The following IARS1 variants were observed in gnomAD, a reference collection of about 807,000 sequenced individuals.
IARS1 encodes isoleucyl-tRNA synthetase 1.
IARS1 carries 124 observed loss-of-function variants against 168.2 expected under a neutral mutation model. That is an observed-to-expected ratio of 0.74 (90% CI 0.64 to 0.86). The LOEUF is 0.86. Ranked by LOEUF, IARS1 falls within the 40% of genes least tolerant of loss-of-function variation. IARS1 has a pLI of 0.00. For synonymous variants in IARS1, 532 were observed against 529.4 expected (o/e 1.00, Z -0.07); for missense variants, 1,452 against 1,515.8 (o/e 0.96, Z 0.70).
chr9:92,227,417 G>A (rs1825885621), intron 31 of IARS1, among the ~76,000 whole-genome samples: 3 of 146,242 alleles, frequency 2.1e-5, no homozygotes, highest in South Asian at 2.2e-4. Flanking sequence ...CGGACAGGGC[G>A]GCTGGCCGGG....
Position 92,249,785 on chromosome 9 carries a change from A to G in IARS1, c.2616+73T>C, listed in dbSNP as rs900215067. Reference sequence around the variant, plus strand: ...AAAATAAATTATAGAGTCAATATGTACTTTGAGGATTATTCATCAAAATAA... The same window carrying G: ...AAAATAAATTATAGAGTCAATATGTGCTTTGAGGATTATTCATCAAAATAA... On this transcript the variant is annotated intron_variant, in intron 25 of 33. Transcript: ENST00000443024. 1.1e-5 allele frequency: 8 copies of G among 745,712 alleles called. No individual in the cohort carries two copies. In the East Asian group the frequency reaches 2.0e-4, roughly 19 times the overall value. The allele number at this position is 745,712 out of a possible 1,614,324, so 46.2% of individuals were successfully genotyped here. A position where few individuals can be genotyped will look rare whatever the true frequency, so the allele number is the denominator to read the frequency against.
intron 33 of IARS1, among the ~76,000 whole-genome samples, chr9:92,219,736 T>C (rs1418001712): frequency 8.2e-6 from 1 of 122,070 alleles, no homozygotes; most frequent in Non-Finnish European, 1.7e-5. Flanking sequence ...TCACACCAGT[T>C]AGAATGGCAA....
chr9:92,293,526 A>G lies in IARS1; in HGVS notation c.-8+85T>C, dbSNP rs1017409780. 4 of 521,448 alleles carry G rather than the reference A, an allele frequency of 7.7e-6. No individual in the cohort carries two copies. In the African/African-American group the frequency reaches 7.9e-5, roughly 10 times the overall value. 32.3% of individuals were successfully genotyped at this position (521,448 alleles called of 1,614,324 possible). ...AAGAAACACGCTCTTTTAAAAATTA[A>G]ATCTTGTGCTACTGTTTCGGGGTTG... On this transcript the variant is annotated intron_variant, in intron 1 of 33. Coordinates refer to ENST00000443024, the MANE Select transcript of IARS1 (RefSeq NM_002161.6).
At chr9:92,216,561 T>TA (rs1838736620) in intron 33 of IARS1, among the ~76,000 whole-genome samples, 1 of 123,604 alleles carries the variant, frequency 8.1e-6, no homozygotes, top group Non-Finnish European at 1.7e-5. Flanking sequence ...AGGCTCAAAA[T>TA]AAAAGGATGG....
intron 21 of IARS1, among the ~76,000 whole-genome samples, 194 bp from the exon 22 acceptor site, chr9:92,252,079 G>C (rs1335971053): frequency 6.6e-6 from 1 of 152,236 alleles, no homozygotes; most frequent in African/African-American, 2.4e-5. Context: ...CTTCAGGGCA[G>C]TGCAGGAGGC....
Position 92,243,197 on chromosome 9 carries a change from T to C in IARS1, c.3000+19A>G, listed in dbSNP as rs752669175. 2 of 1,596,890 alleles carry C rather than the reference T, an allele frequency of 1.3e-6. No individual in the cohort carries two copies. Among genetic ancestry groups the C allele is most frequent in the East Asian group, 4.5e-5 (2 of 44,748 alleles). On this transcript the variant is annotated intron_variant, in intron 28 of 33. Coordinates refer to ENST00000443024, the MANE Select transcript of IARS1 (RefSeq NM_002161.6). Reference sequence around the variant, plus strand: ...ACAAAAAGCCAAAACAGTAGCTTATTCTTAACTGACAAACTAACCTTTTTG... The same window carrying C: ...ACAAAAAGCCAAAACAGTAGCTTATCCTTAACTGACAAACTAACCTTTTTG...
chr9:92,290,667 C>T (rs1344237343), intron 1 of IARS1, among the ~76,000 whole-genome samples: 1 of 151,884 alleles, frequency 6.6e-6, no homozygotes, highest in Non-Finnish European at 1.5e-5. Flanking sequence ...ATTTTATTTT[C>T]GTATATGGTG....
intron 33 of IARS1, among the ~76,000 whole-genome samples, chr9:92,215,362 T>C (rs547141673): frequency 1.1e-4 from 16 of 151,958 alleles, no homozygotes; most frequent in African/African-American, 2.9e-4. Flanking sequence ...AAAAGCAGAG[T>C]GCCTCTCCTC....
chr9:92,261,093 G>T (rs984068229), intron 17 of IARS1, among the ~76,000 whole-genome samples: 1 of 152,154 alleles, frequency 6.6e-6, no homozygotes, highest in East Asian at 1.9e-4. Context: ...TGGATCGCCT[G>T]AGCTCAGGAG....
chr9:92,247,351 G>T (rs762196489), intron 26 of IARS1, 26 bp downstream of exon 26: 3 of 1,599,238 alleles, frequency 1.9e-6, no homozygotes, highest in Non-Finnish European at 1.7e-6. Context: ...GACATAAATG[G>T]TGCCCTTGTC....
At chr9:92,220,241 G>T (rs1409373915) in intron 33 of IARS1, among the ~76,000 whole-genome samples, 3 of 127,562 alleles carry the variant, frequency 2.4e-5, no homozygotes, top group Non-Finnish European at 4.8e-5. Flanking sequence ...ACACAGGAAG[G>T]GGAATATCAC....
chr9:92,290,283 T>A (rs1473688831), intron 1 of IARS1, among the ~76,000 whole-genome samples: 6 of 152,220 alleles, frequency 3.9e-5, no homozygotes, highest in Non-Finnish European at 5.9e-5. Context: ...TGGTTTTGAT[T>A]TGCATTTCCC....
Position 92,210,754 on chromosome 9 carries a change from G to T in IARS1, c.*53C>A. 1 of 998,318 alleles carries T rather than the reference G, an allele frequency of 1.0e-6. No homozygotes were observed. Among genetic ancestry groups the T allele is most frequent in the South Asian group, 1.3e-5 (1 of 78,346 alleles). The allele number at this position is 998,318 out of a possible 1,614,324, so 61.8% of individuals were successfully genotyped here. Reference sequence around the variant, plus strand: ...GTGTGTCTATGTGCATGTATGTGTAGGGGATAGGTGTAATTAGGGAAGGGC... The same window carrying T: ...GTGTGTCTATGTGCATGTATGTGTATGGGATAGGTGTAATTAGGGAAGGGC... On this transcript the variant is annotated 3_prime_UTR_variant, in exon 34 of 34. Coordinates refer to ENST00000443024, the MANE Select transcript of IARS1 (RefSeq NM_002161.6).
intron 33 of IARS1, among the ~76,000 whole-genome samples, chr9:92,214,827 C>G (rs933514036): frequency 2.0e-5 from 3 of 152,218 alleles, no homozygotes; most frequent in Non-Finnish European, 4.4e-5. Context: ...AACTGCAAGG[C>G]GGCAGCAAGG....
chr9:92,279,790 A>G (rs1380782505), intron 7 of IARS1, among the ~76,000 whole-genome samples: 2 of 152,220 alleles, frequency 1.3e-5, no homozygotes, highest in South Asian at 2.1e-4. Context: ...TCATTAAACA[A>G]TAACTCCCCC....
chr9:92,220,581 T>A (rs569242571), intron 33 of IARS1, among the ~76,000 whole-genome samples: 3 of 152,154 alleles, frequency 2.0e-5, no homozygotes, highest in Admixed American at 2.0e-4. Context: ...ATCGTGCCAC[T>A]GCACTCCAGC....
Position 92,250,376 on chromosome 9 carries a change from G to C in IARS1, c.2430-87C>G. ...TAGGCATGCATAAGCGAGGAAGAGG[G>C]TCAGGCTAGAGAAGTGTGGCTAGGC... On this transcript the variant is annotated intron_variant, in intron 23 of 33. Transcript: ENST00000443024. The C allele has an allele frequency of 4.5e-6, 4 of 883,214 alleles. No homozygotes were observed. In the South Asian group the frequency reaches 5.5e-5, roughly 12 times the overall value. The allele number at this position is 883,214 out of a possible 1,614,324, so 54.7% of individuals were successfully genotyped here.
At chr9:92,292,947 C>T (rs1221967912) in intron 1 of IARS1, among the ~76,000 whole-genome samples, 2 of 152,180 alleles carry the variant, frequency 1.3e-5, no homozygotes, top group African/African-American at 4.8e-5. Context: ...ATTTTTGAGT[C>T]ACCCCTGACA....
intron 10 of IARS1, 94 bp from the exon 11 acceptor site, chr9:92,271,749 TA>T (rs1354878718): frequency 7.5e-7 from 1 of 1,329,860 alleles, no homozygotes; most frequent in African/African-American, 1.4e-5. Flanking sequence ...TTCTATATTG[TA>T]ACATATACAT....
Sources: gnomAD v4.1 joint callset for allele counts (sites outside exome capture counted in the v4.1 genomes callset) on GRCh38, gnomAD v4.1.1 for gene constraint, MANE v1.5 for transcripts, NCBI Gene and HGNC (gene_info 2026-07-23, HGNC 2026-07-21) for gene names.